The following MCF2L2 variants were observed in gnomAD, a reference collection of about 807,000 sequenced individuals.
The protein encoded by MCF2L2 is probable guanine nucleotide exchange factor MCF2L2.
A neutral mutation model predicts 150.2 loss-of-function variants in MCF2L2; 102 were observed. The ratio of observed to expected loss-of-function variants is 0.68; its 90% CI spans 0.58 to 0.80. MCF2L2 has a LOEUF of 0.80. Among genes scored for constraint, MCF2L2 ranks in the 30% least tolerant of loss-of-function variants. The pLI, the probability that MCF2L2 is intolerant of heterozygous loss-of-function variation, is 0.00. For missense variants in MCF2L2, 1,256 were observed against 1,372.8 expected, an observed-to-expected ratio of 0.91 and a Z score of 1.34; for synonymous variants, 465 against 491.3, an observed-to-expected ratio of 0.95 and a Z score of 0.71.
intron 14 of MCF2L2, among the ~76,000 whole-genome samples, chr3:183,279,621 TATTGGGAGGCCAA>T (rs1727361236): frequency 7.9e-5 from 12 of 152,226 alleles, no homozygotes; most frequent in Admixed American, 7.9e-4. Flanking sequence ...TGGCCTGCCC[TATTGGGAGGCCAA>T]TCAGGCGGAA....
Position 183,276,799 on chromosome 3 carries a change from G to A in MCF2L2, c.1862+73C>T, listed in dbSNP as rs1727175503. On this transcript the variant is annotated intron_variant, in intron 15 of 29. Coordinates refer to ENST00000328913, the MANE Select transcript of MCF2L2 (RefSeq NM_015078.4). ...ATCTGGGAAAGACAGGTGCTGAGGTGTAAAAGAGAGGATCCTCGCCACCCA... is the reference window on the plus strand; with the variant it reads ...ATCTGGGAAAGACAGGTGCTGAGGTATAAAAGAGAGGATCCTCGCCACCCA... 8 of 1,017,364 alleles carry A rather than the reference G, an allele frequency of 7.9e-6. No homozygotes were observed. In the South Asian group the frequency reaches 8.2e-5, roughly 10 times the overall value. 63.0% of individuals were successfully genotyped at this position (1,017,364 alleles called of 1,614,324 possible). A position where few individuals can be genotyped will look rare whatever the true frequency, so the allele number is the denominator to read the frequency against.
intron 27 of MCF2L2, among the ~76,000 whole-genome samples, chr3:183,182,326 G>T (rs1302079419): frequency 6.7e-6 from 1 of 149,158 alleles, no homozygotes; most frequent in Non-Finnish European, 1.5e-5. Flanking sequence ...GGTGCCACAG[G>T]TGAGGGTGGG....
intron 1 of MCF2L2, among the ~76,000 whole-genome samples, chr3:183,424,695 T>G (rs909255198): frequency 2.0e-5 from 3 of 151,964 alleles, no homozygotes; most frequent in African/African-American, 7.3e-5. Context: ...GAATTCAGAG[T>G]CAGGAGTCAT....
chr3:183,193,162 A>G, intron 26 of MCF2L2, 66 bp from the exon 27 acceptor site: 1 of 1,351,820 alleles, frequency 7.4e-7, no homozygotes. Context: ...CTCCCCCACC[A>G]GTTGGAGTAA....
chr3:183,311,796 T>A (rs374666204), intron 7 of MCF2L2, 24 bp from the exon 8 acceptor site: 5 of 1,599,646 alleles, frequency 3.1e-6, no homozygotes, highest in Non-Finnish European at 4.3e-6. Flanking sequence ...GTAGTCTCTC[T>A]TAGAACGAAT....
At chr3:183,340,396 A>C (rs544558548) in intron 4 of MCF2L2, among the ~76,000 whole-genome samples, 8 of 152,242 alleles carry the variant, frequency 5.3e-5, no homozygotes, top group Admixed American at 5.2e-4. Flanking sequence ...CAGAGGGCCT[A>C]TGCTCAGGTA....
At chr3:183,260,423 G>C (rs1208720550) in intron 15 of MCF2L2, among the ~76,000 whole-genome samples, 1 of 152,180 alleles carries the variant, frequency 6.6e-6, no homozygotes, top group Non-Finnish European at 1.5e-5. Context: ...CAAGTGTGTT[G>C]CAAGAATGAG....
chr3:183,387,233 C>T (rs1445116593), intron 2 of MCF2L2, among the ~76,000 whole-genome samples: 1 of 151,114 alleles, frequency 6.6e-6, no homozygotes, highest in Non-Finnish European at 1.5e-5. Context: ...CCACTGCACC[C>T]CAGCCTGGGC....
intron 10 of MCF2L2, among the ~76,000 whole-genome samples, chr3:183,301,989 T>C (rs1381348716): frequency 1.3e-5 from 2 of 152,144 alleles, no homozygotes; most frequent in East Asian, 3.9e-4. Context: ...TACTTGCTTT[T>C]TCTTCTGGGA....
At chr3:183,395,372 A>T (rs1374939964) in intron 1 of MCF2L2, among the ~76,000 whole-genome samples, 1 of 152,220 alleles carries the variant, frequency 6.6e-6, no homozygotes, top group Admixed American at 6.5e-5. Flanking sequence ...CAAGCGTGTG[A>T]TATGTTTATG....
At chr3:183,358,392 G>T (rs1012440687) in intron 3 of MCF2L2, among the ~76,000 whole-genome samples, 7 of 152,138 alleles carry the variant, frequency 4.6e-5, no homozygotes, top group Admixed American at 1.3e-4. Flanking sequence ...AAGATAAACT[G>T]TTGATGCTCC....
chr3:183,409,524 G>A (rs948463704), intron 1 of MCF2L2, among the ~76,000 whole-genome samples: 1 of 150,720 alleles, frequency 6.6e-6, no homozygotes, highest in African/African-American at 2.4e-5. Context: ...ACACTAAAAG[G>A]CAGGAAATAA....
chr3:183,310,365 G>C (rs1729309169), intron 9 of MCF2L2, among the ~76,000 whole-genome samples: 1 of 152,012 alleles, frequency 6.6e-6, no homozygotes, highest in Non-Finnish European at 1.5e-5. Flanking sequence ...AGCTGAGTGT[G>C]GTGGTGGGCA....
rs145893423 is a variant in MCF2L2 at position 183,290,342 on chromosome 3, G to A, written c.1676-1122C>T. Among the ~76,000 whole-genome samples, 371 of 149,606 alleles carry A rather than the reference G, an allele frequency of 2.5e-3. 1 individual carries two copies. Among genetic ancestry groups the A allele is most frequent in the African/African-American group, 8.5e-3 (341 of 40,182 alleles). ...TTGGTAGTAAAATTGGGACTTGAGAGGAGAAGGCCTCAAGGCTTCCTAACC... is the reference window on the plus strand; with the variant it reads ...TTGGTAGTAAAATTGGGACTTGAGAAGAGAAGGCCTCAAGGCTTCCTAACC... On this transcript the variant is annotated intron_variant, in intron 13 of 29. Coordinates refer to ENST00000328913, the MANE Select transcript of MCF2L2 (RefSeq NM_015078.4).
chr3:183,272,955 T>C (rs1262949149), intron 15 of MCF2L2: 15 of 1,441,280 alleles, frequency 1.0e-5, no homozygotes, highest in African/African-American at 1.5e-5. Context: ...TAGAATAGAA[T>C]GGAACAAGTT....
intron 1 of MCF2L2, among the ~76,000 whole-genome samples, chr3:183,395,618 A>G (rs1340176412): frequency 6.6e-6 from 1 of 152,188 alleles, no homozygotes; most frequent in Non-Finnish European, 1.5e-5. Flanking sequence ...CATCAAACAG[A>G]TCAAGAAATG....
chr3:183,343,680 C>A (rs542227276), intron 3 of MCF2L2, among the ~76,000 whole-genome samples: 9 of 152,182 alleles, frequency 5.9e-5, no homozygotes, highest in African/African-American at 1.9e-4. Flanking sequence ...AACATAGCAA[C>A]TTGAATCTGC....
intron 13 of MCF2L2, among the ~76,000 whole-genome samples, chr3:183,291,573 C>T (rs996126896): frequency 6.6e-6 from 1 of 152,190 alleles, no homozygotes; most frequent in African/African-American, 2.4e-5. Flanking sequence ...GCTGAAATTC[C>T]AGCTCTTAAG....
intron 9 of MCF2L2, chr3:183,310,610 C>G: frequency 6.0e-6 from 2 of 330,800 alleles, no homozygotes; most frequent in South Asian, 5.2e-5. Context: ...CTGCAGTGAG[C>G]CATGATCACA....
Sources: gnomAD v4.1 joint callset for allele counts (sites outside exome capture counted in the v4.1 genomes callset) on GRCh38, gnomAD v4.1.1 for gene constraint, MANE v1.5 for transcripts, NCBI Gene and HGNC (gene_info 2026-07-23, HGNC 2026-07-21) for gene names.